Variants in LRRC8D observed in about 807,000 individuals in gnomAD.
The protein encoded by LRRC8D is volume-regulated anion channel subunit LRRC8D.
In LRRC8D, 20 loss-of-function variants were observed where a neutral mutation model predicts 55.8. The ratio of observed to expected loss-of-function variants is 0.36; its 90% CI spans 0.25 to 0.52. The LOEUF is 0.52. LRRC8D is among the 20% of genes least tolerant of loss of function. The pLI, the probability that LRRC8D is intolerant of heterozygous loss-of-function variation, is 0.93. For synonymous variants in LRRC8D, 352 were observed against 377.0 expected (o/e 0.93, Z 0.77); for missense variants, 651 against 1,030.8 (o/e 0.63, Z 5.05).
chr1:89,904,416 C>G (rs2100921791), intron 2 of LRRC8D, among the ~76,000 whole-genome samples: 1 of 152,284 alleles, frequency 6.6e-6, no homozygotes, highest in Middle Eastern at 3.4e-3. Context: ...TGGGCTGTGC[C>G]TTTTCGGTTC....
At chr1:89,902,428 T>G (rs1401683190) in intron 2 of LRRC8D, among the ~76,000 whole-genome samples, 1 of 152,230 alleles carries the variant, frequency 6.6e-6, no homozygotes, top group Non-Finnish European at 1.5e-5. Context: ...GAACTGACTT[T>G]TGTCCTTTGA....
chr1:89,863,661 T>G (rs928087239), intron 2 of LRRC8D, among the ~76,000 whole-genome samples: 8 of 152,206 alleles, frequency 5.3e-5, no homozygotes, highest in African/African-American at 1.9e-4. Context: ...TCTGTGTTAT[T>G]TAGTTCTTCC....
chr1:89,858,591 T>C (rs1226751543), intron 2 of LRRC8D, among the ~76,000 whole-genome samples: 2 of 152,224 alleles, frequency 1.3e-5, no homozygotes, highest in African/African-American at 2.4e-5. Flanking sequence ...CTAATGGATC[T>C]TACAGGTGTT....
At chr1:89,904,466 G>A (rs971127332) in intron 2 of LRRC8D, among the ~76,000 whole-genome samples, 1 of 152,244 alleles carries the variant, frequency 6.6e-6, no homozygotes, top group African/African-American at 2.4e-5. Context: ...AATGAAATGA[G>A]TTCATTCACT....
At chr1:89,897,160 C>G (rs1463446115) in intron 2 of LRRC8D, among the ~76,000 whole-genome samples, 1 of 152,186 alleles carries the variant, frequency 6.6e-6, no homozygotes, top group Non-Finnish European at 1.5e-5. Flanking sequence ...GATGTATGTA[C>G]ATCTCTCTTG....
chr1:89,859,024 AAAC>A (rs1661630625), intron 2 of LRRC8D, among the ~76,000 whole-genome samples: 1 of 152,210 alleles, frequency 6.6e-6, no homozygotes, highest in Non-Finnish European at 1.5e-5. Context: ...CACAAAATAT[AAAC>A]AATTGTTATT....
chr1:89,823,566 G>T (rs1660692132), intron 1 of LRRC8D, among the ~76,000 whole-genome samples: 1 of 152,178 alleles, frequency 6.6e-6, no homozygotes, highest in African/African-American at 2.4e-5. Flanking sequence ...TTGTAATCAT[G>T]ATTATTATGT....
chr1:89,842,053 A>G (rs1205637422), intron 1 of LRRC8D, among the ~76,000 whole-genome samples: 1 of 152,116 alleles, frequency 6.6e-6, no homozygotes, highest in African/African-American at 2.4e-5. Flanking sequence ...TGTACTAAAA[A>G]TACAAAAAAA....
rs187290292 is a variant in LRRC8D, at chr1:89,896,694, C to T, written c.-2-36373C>T. Reference sequence around the variant, plus strand: ...TTCAGGACAGAGTCCAGTCTAAGAGCGGGAAATCGCCATATCACACTAGTG... The same window carrying T: ...TTCAGGACAGAGTCCAGTCTAAGAGTGGGAAATCGCCATATCACACTAGTG... On this transcript the variant is annotated intron_variant, in intron 2 of 2. Coordinates refer to ENST00000337338, the MANE Select transcript of LRRC8D (RefSeq NM_001134479.2). 7.2e-5 allele frequency among the ~76,000 whole-genome samples: 11 copies of T among 152,254 alleles called. No homozygotes were observed. In the East Asian group the frequency reaches 2.1e-3, roughly 29 times the overall value.
At position 89,843,741 on chromosome 1, in the gene LRRC8D, C is replaced by T; in HGVS notation, c.-44C>T. 1 of 701,378 alleles carries T rather than the reference C, an allele frequency of 1.4e-6. No homozygotes were observed. Among genetic ancestry groups the T allele is most frequent in the South Asian group, 1.5e-5 (1 of 67,504 alleles). The allele number at this position is 701,378 out of a possible 1,614,324, so 43.4% of individuals were successfully genotyped here. A position where few individuals can be genotyped will look rare whatever the true frequency, so the allele number is the denominator to read the frequency against. ...TCCGGAGCTCGCCCAAGCCGCGTCCCCAGAGAGCGCCCTGAGAGAACAGGG... is the reference window on the plus strand; with the variant it reads ...TCCGGAGCTCGCCCAAGCCGCGTCCTCAGAGAGCGCCCTGAGAGAACAGGG... On this transcript the variant is annotated 5_prime_UTR_variant, in exon 2 of 3. Coordinates refer to ENST00000337338, the MANE Select transcript of LRRC8D (RefSeq NM_001134479.2).
At chr1:89,842,054 T>C (rs1661146523) in intron 1 of LRRC8D, among the ~76,000 whole-genome samples, 1 of 151,710 alleles carries the variant, frequency 6.6e-6, no homozygotes, top group South Asian at 2.1e-4. Context: ...GTACTAAAAA[T>C]ACAAAAAAAT....
At chr1:89,889,761 T>G (rs1662515333) in intron 2 of LRRC8D, among the ~76,000 whole-genome samples, 1 of 151,990 alleles carries the variant, frequency 6.6e-6, no homozygotes, top group Admixed American at 6.6e-5. Flanking sequence ...TGAGCGCCTG[T>G]GGTCCCAGCT....
intron 2 of LRRC8D, among the ~76,000 whole-genome samples, chr1:89,870,957 T>A (rs1234583915): frequency 6.6e-6 from 1 of 152,234 alleles, no homozygotes; most frequent in Non-Finnish European, 1.5e-5. Context: ...ACCTTCTACC[T>A]AGACATAGAA....
intron 2 of LRRC8D, among the ~76,000 whole-genome samples, chr1:89,844,105 TCTC>T (rs1661214585): frequency 6.6e-6 from 1 of 152,018 alleles, no homozygotes; most frequent in South Asian, 2.1e-4. Flanking sequence ...CTCTCCACCC[TCTC>T]CTCCAGCTGC....
Position 89,935,138 on chromosome 1 carries a change from A to G in LRRC8D, c.2070A>G (p.Leu690=), listed in dbSNP as rs747961484. The G allele has an allele frequency of 1.7e-5, 28 of 1,614,126 alleles. No individual in the cohort carries two copies. The African/African-American group carries it at 2.0e-4, about 12-fold the overall frequency. Residue 690 remains leucine (L), a synonymous_variant, in exon 3 of 3, where the codon TTA becomes TTG. Coordinates refer to ENST00000337338, the MANE Select transcript of LRRC8D (RefSeq NM_001134479.2). ...TAAAACGACTGACTTGTTTAAAATT[A>G]TGGCATAACAAAATTGTTACTATTC... ...QHLKRLTCLK[L]WHNKIVTIPP... is the part of the protein sequence containing the mutation.
At chr1:89,866,147 C>G (rs894000987) in intron 2 of LRRC8D, among the ~76,000 whole-genome samples, 4 of 152,228 alleles carry the variant, frequency 2.6e-5, no homozygotes, top group African/African-American at 9.6e-5. Flanking sequence ...TCTGTCCTTT[C>G]CTCATCAGCC....
chr1:89,900,923 C>A (rs17130923), intron 2 of LRRC8D, among the ~76,000 whole-genome samples: 2 of 152,138 alleles, frequency 1.3e-5, no homozygotes, highest in African/African-American at 4.8e-5. Context: ...GCCATGGCGA[C>A]TGGAGGCCAG....
intron 1 of LRRC8D, among the ~76,000 whole-genome samples, chr1:89,836,475 C>T (rs190458865): frequency 2.0e-5 from 3 of 152,304 alleles, no homozygotes; most frequent in Admixed American, 6.5e-5. Flanking sequence ...ATTATACATA[C>T]GCCACTGACA....
At chr1:89,861,938 G>A (rs573747380) in intron 2 of LRRC8D, among the ~76,000 whole-genome samples, 2 of 152,296 alleles carry the variant, frequency 1.3e-5, no homozygotes, top group South Asian at 4.1e-4. Context: ...TCTTTAAGGG[G>A]AACATGTAAC....
Sources: allele counts gnomAD v4.1 joint callset (sites outside exome capture counted in the v4.1 genomes callset), GRCh38; gene constraint gnomAD v4.1.1; transcripts MANE v1.5; gene names NCBI Gene and HGNC (gene_info 2026-07-23, HGNC 2026-07-21).